Variants in LDB2 observed in about 807,000 individuals in gnomAD.
LDB2 encodes LIM domain-binding protein 2.
Under a neutral mutation model 44.3 loss-of-function variants are expected in LDB2, and 12 were observed. The observed-to-expected ratio is 0.27, with a 90% CI of 0.17 to 0.44. The LOEUF is 0.44. LDB2 is among the 20% of genes least tolerant of loss of function. LDB2 has a pLI of 1.00. For synonymous variants in LDB2, 164 were observed against 174.8 expected (o/e 0.94, Z 0.49); for missense variants, 344 against 473.5 (o/e 0.73, Z 2.54).
Position 16,759,163 on chromosome 4 carries a change from C to T in LDB2, c.230G>A (p.Arg77Gln), listed in dbSNP as rs747666812. 1.6e-5 allele frequency: 26 copies of T among 1,609,482 alleles called. No individual in the cohort carries two copies. Among genetic ancestry groups the T allele is most frequent in the Non-Finnish European group, 1.9e-5 (22 of 1,175,972 alleles). The change falls in exon 2 of 8, where the codon CGA becomes CAA. Residue 77 changes from arginine to glutamine, a missense_variant. Physicochemically the swap from Arg to Gln is conservative, Grantham distance 43 (BLOSUM62 1). Transcript: ENST00000304523. ...LSFCLEDGPK[R>Q]YTIGRTLIPR... The stretch of plus-strand genomic sequence containing the variant: ...AAAATAAACTTCTTTCTTACTGTAT[C>T]GCTTTGGTCCATCTTCCAAACAAAA...
At chr4:16,894,046 C>T (rs1346392685) in intron 1 of LDB2, among the ~76,000 whole-genome samples, 1 of 152,134 alleles carries the variant, frequency 6.6e-6, no homozygotes, top group Non-Finnish European at 1.5e-5. Flanking sequence ...ATTTTCATCT[C>T]AGGGCTGAGA....
At chr4:16,532,548 A>C (rs1161057514) in intron 5 of LDB2, among the ~76,000 whole-genome samples, 1 of 152,234 alleles carries the variant, frequency 6.6e-6, no homozygotes, top group Non-Finnish European at 1.5e-5. Flanking sequence ...CTATATTAAC[A>C]CTAGCATATT....
At chr4:16,807,782 A>G (rs1197788802) in intron 1 of LDB2, among the ~76,000 whole-genome samples, 2 of 152,186 alleles carry the variant, frequency 1.3e-5, no homozygotes, top group African/African-American at 4.8e-5. Flanking sequence ...CCCTAAACCC[A>G]GTCTTGATTT....
chr4:16,680,570 G>A (rs150618491), intron 2 of LDB2, among the ~76,000 whole-genome samples: 26 of 152,284 alleles, frequency 1.7e-4, no homozygotes, highest in African/African-American at 4.8e-4. Context: ...AAAACTTTCC[G>A]TCTAGTTTAA....
chr4:16,775,487 T>C (rs1561191353), intron 1 of LDB2, among the ~76,000 whole-genome samples: 1 of 152,192 alleles, frequency 6.6e-6, no homozygotes, highest in Non-Finnish European at 1.5e-5. Context: ...AGTGCTACTA[T>C]GAGAATTAAA....
chr4:16,740,125 T>TG (rs1160588497), intron 2 of LDB2, among the ~76,000 whole-genome samples: 1 of 152,146 alleles, frequency 6.6e-6, no homozygotes, highest in African/African-American at 2.4e-5. Flanking sequence ...GAATTGGAGA[T>TG]GGGAAACAGT....
At chr4:16,870,448 AGG>A (rs1554057071) in intron 1 of LDB2, among the ~76,000 whole-genome samples, 1 of 97,414 alleles carries the variant, frequency 1.0e-5, no homozygotes, top group Non-Finnish European at 2.0e-5. Flanking sequence ...ATCCTGCTGA[AGG>A]GGTGTGTATG....
At chr4:16,751,964 T>C (rs1052559353) in intron 2 of LDB2, among the ~76,000 whole-genome samples, 2 of 152,162 alleles carry the variant, frequency 1.3e-5, no homozygotes, top group African/African-American at 4.8e-5. Context: ...TGAGACCTCA[T>C]CTTTAAAATA....
intron 1 of LDB2, among the ~76,000 whole-genome samples, chr4:16,803,667 G>A (rs1410949435): frequency 3.3e-5 from 5 of 151,490 alleles, no homozygotes; most frequent in Admixed American, 6.6e-5. Context: ...ATAAGAATTG[G>A]GCTAGTGGAA....
At chr4:16,881,638 A>C in intron 1 of LDB2, among the ~76,000 whole-genome samples, 2 of 140,126 alleles carry the variant, frequency 1.4e-5, no homozygotes, top group Admixed American at 7.4e-5. Flanking sequence ...CTAAGTAACC[A>C]CCTGGAAGTT....
At chr4:16,827,384 A>G (rs1358760672) in intron 1 of LDB2, among the ~76,000 whole-genome samples, 2 of 152,010 alleles carry the variant, frequency 1.3e-5, no homozygotes, top group East Asian at 3.9e-4. Flanking sequence ...AAAAGATGCT[A>G]CTCTTTTTTT....
intron 2 of LDB2, among the ~76,000 whole-genome samples, chr4:16,659,671 G>GTGTT: frequency 7.5e-6 from 1 of 133,562 alleles, no homozygotes; most frequent in East Asian, 2.4e-4. Context: ...ATCTATGTGT[G>GTGTT]TATATATATA....
At chr4:16,821,641 G>A (rs538885438) in intron 1 of LDB2, among the ~76,000 whole-genome samples, 29 of 144,158 alleles carry the variant, frequency 2.0e-4, no homozygotes, top group Admixed American at 5.0e-4. Flanking sequence ...TGCCCACCTC[G>A]GCCTCCCAAA....
chr4:16,784,924 C>T (rs1333829736), intron 1 of LDB2, among the ~76,000 whole-genome samples: 4 of 152,044 alleles, frequency 2.6e-5, no homozygotes, highest in South Asian at 2.1e-4. Context: ...CACCCCTTTG[C>T]TCTGCCACCC....
intron 1 of LDB2, among the ~76,000 whole-genome samples, chr4:16,893,788 A>AT (rs58010923): frequency 1.1e-3 from 171 of 148,714 alleles, no homozygotes; most frequent in African/African-American, 3.2e-3. Flanking sequence ...TGTTTATGGT[A>AT]TTTTTTTTTT....
intron 2 of LDB2, among the ~76,000 whole-genome samples, chr4:16,619,908 A>C (rs1728408069): frequency 6.6e-6 from 1 of 152,140 alleles, no homozygotes; most frequent in African/African-American, 2.4e-5. Context: ...AAAAGAATAA[A>C]ATAAAGATAG....
At chr4:16,542,369 A>G (rs1366902718) in intron 5 of LDB2, among the ~76,000 whole-genome samples, 1 of 152,226 alleles carries the variant, frequency 6.6e-6, no homozygotes, top group Non-Finnish European at 1.5e-5. Context: ...GTTATGTGAT[A>G]GAAAATGGCC....
intron 1 of LDB2, among the ~76,000 whole-genome samples, chr4:16,849,749 T>C (rs1034681179): frequency 2.2e-4 from 33 of 152,316 alleles, no homozygotes; most frequent in African/African-American, 7.5e-4. Context: ...TTGCTCTTAA[T>C]TCCCTCTTAT....
At chr4:16,566,982 A>G (rs905780683) in intron 5 of LDB2, among the ~76,000 whole-genome samples, 8 of 152,234 alleles carry the variant, frequency 5.3e-5, no homozygotes, top group South Asian at 4.1e-4. Flanking sequence ...AATTTTAATA[A>G]CTTCTAGTTC....
Sources: allele counts gnomAD v4.1 joint callset (sites outside exome capture counted in the v4.1 genomes callset), GRCh38; gene constraint gnomAD v4.1.1; transcripts MANE v1.5; gene names NCBI Gene and HGNC (gene_info 2026-07-23, HGNC 2026-07-21).